Variants in SPOPL observed in about 807,000 individuals in gnomAD.
The protein encoded by SPOPL is speckle-type POZ protein-like.
A neutral mutation model predicts 53.8 loss-of-function variants in SPOPL; 23 were observed. That is an observed-to-expected ratio of 0.43 (90% CI 0.31 to 0.61). The LOEUF is 0.61. Ranked by LOEUF, SPOPL falls within the 20% of genes least tolerant of loss-of-function variation. The pLI is 0.12. For synonymous variants in SPOPL, 164 were observed against 149.7 expected (o/e 1.10, Z -0.70); for missense variants, 442 against 466.9 (o/e 0.95, Z 0.49).
intron 7 of SPOPL, among the ~76,000 whole-genome samples, chr2:138,560,237 G>C (rs779371114): frequency 6.6e-6 from 1 of 152,084 alleles, no homozygotes; most frequent in Admixed American, 6.6e-5. Flanking sequence ...GGAGAATTCT[G>C]AGGTAGTGGG....
chr2:138,527,454 A>G (rs1684699897), intron 1 of SPOPL, among the ~76,000 whole-genome samples: 1 of 152,042 alleles, frequency 6.6e-6, no homozygotes, highest in African/African-American at 2.4e-5. Context: ...TTTATTTTCT[A>G]TTAATGCATC....
At position 138,513,651 on chromosome 2, in the gene SPOPL, G is replaced by C. The variant is rs537446177; in HGVS notation, c.-61+11532G>C. ...GCTACTCAGGAAGCTGAGGCAGGAA[G>C]ATCACTTGAGCTCAGGAGTTTGAGG... On this transcript the variant is annotated intron_variant, in intron 1 of 10. Coordinates refer to ENST00000280098, the MANE Select transcript of SPOPL (RefSeq NM_001001664.3). 1.3e-4 allele frequency among the ~76,000 whole-genome samples: 19 copies of C among 151,524 alleles called. No homozygotes were observed. The South Asian group carries it at 4.0e-3, about 32-fold the overall frequency.
intron 1 of SPOPL, among the ~76,000 whole-genome samples, chr2:138,531,307 A>G (rs190141478): frequency 1.6e-4 from 24 of 152,000 alleles, no homozygotes; most frequent in Non-Finnish European, 3.2e-4. Flanking sequence ...GCTACTGCCA[A>G]TCATTATTTT....
intron 10 of SPOPL, among the ~76,000 whole-genome samples, chr2:138,567,004 G>A (rs1268010909): frequency 6.6e-6 from 1 of 152,190 alleles, no homozygotes; most frequent in Non-Finnish European, 1.5e-5. Flanking sequence ...GAAGCGTAAA[G>A]TAGTAGTTGA....
At chr2:138,523,357 C>A (rs989939805) in intron 1 of SPOPL, among the ~76,000 whole-genome samples, 4 of 152,188 alleles carry the variant, frequency 2.6e-5, no homozygotes, top group Admixed American at 1.3e-4. Flanking sequence ...TGCCACAACA[C>A]ATGGGAATTA....
intron 5 of SPOPL, among the ~76,000 whole-genome samples, chr2:138,556,613 C>A (rs1196081584): frequency 1.3e-5 from 2 of 152,044 alleles, no homozygotes; most frequent in African/African-American, 4.8e-5. Context: ...TGTAGTAGAA[C>A]AGGGCAGTTG....
intron 5 of SPOPL, among the ~76,000 whole-genome samples, chr2:138,553,179 G>A (rs1573902085): frequency 6.6e-6 from 1 of 152,050 alleles, no homozygotes; most frequent in South Asian, 2.1e-4. Flanking sequence ...AGATTTTTAA[G>A]ATATGCCCGT....
At chr2:138,549,289 T>C (rs1432541646) in intron 1 of SPOPL, among the ~76,000 whole-genome samples, 1 of 152,100 alleles carries the variant, frequency 6.6e-6, no homozygotes, top group Non-Finnish European at 1.5e-5. Context: ...TAATATCCTT[T>C]ATCTCTCATA....
intron 1 of SPOPL, among the ~76,000 whole-genome samples, chr2:138,542,194 A>G (rs561170802): frequency 2.2e-4 from 33 of 152,280 alleles, no homozygotes; most frequent in African/African-American, 6.5e-4. Flanking sequence ...TGTGCTGCTG[A>G]AAAAAATGTA....
chr2:138,536,787 C>G (rs1479057540), intron 1 of SPOPL, among the ~76,000 whole-genome samples: 1 of 152,148 alleles, frequency 6.6e-6, no homozygotes. Flanking sequence ...AAATGAACTT[C>G]TTTTCTCTGG....
At chr2:138,529,019 A>G (rs923811114) in intron 1 of SPOPL, among the ~76,000 whole-genome samples, 5 of 152,208 alleles carry the variant, frequency 3.3e-5, no homozygotes, top group African/African-American at 9.7e-5. Context: ...CTTCAGGAAA[A>G]TGTTATTTAT....
At chr2:138,559,402 A>T (rs1182378659) in intron 7 of SPOPL, 65 bp downstream of exon 7, 1 of 1,471,262 alleles carries the variant, frequency 6.8e-7, no homozygotes. Context: ...TGTATGTTTT[A>T]AAAGTAATAG....
intron 1 of SPOPL, among the ~76,000 whole-genome samples, chr2:138,540,065 G>A (rs1685033994): frequency 6.6e-6 from 1 of 152,158 alleles, no homozygotes; most frequent in Non-Finnish European, 1.5e-5. Context: ...TAGATACGCG[G>A]CATTCTTTCT....
At chr2:138,502,149 C>T (rs1282156084) in intron 1 of SPOPL, 30 bp downstream of exon 1, 1 of 152,610 alleles carries the variant, frequency 6.6e-6, no homozygotes, top group Non-Finnish European at 1.5e-5. Flanking sequence ...CCCCCAGTCC[C>T]CGCGGCAGCC....
intron 1 of SPOPL, among the ~76,000 whole-genome samples, chr2:138,505,095 A>G (rs1358175822): frequency 6.7e-6 from 1 of 148,908 alleles, no homozygotes; most frequent in African/African-American, 2.6e-5. Context: ...TTTAGAGAAG[A>G]CTCACTTCCT....
intron 1 of SPOPL, among the ~76,000 whole-genome samples, chr2:138,505,958 CAGTAAG>C (rs1684207797): frequency 6.6e-6 from 1 of 152,026 alleles, no homozygotes; most frequent in Non-Finnish European, 1.5e-5. Context: ...CTGGAAGGTC[CAGTAAG>C]AACTGAACTT....
chr2:138,554,201 A>G (rs1042317044), intron 5 of SPOPL, among the ~76,000 whole-genome samples: 17 of 150,964 alleles, frequency 1.1e-4, no homozygotes, highest in African/African-American at 3.9e-4. Flanking sequence ...TATGCTTGGT[A>G]TCCATATGCT....
chr2:138,550,801 A>G (rs1380373792), intron 3 of SPOPL, 102 bp from the exon 4 acceptor site: 1 of 1,426,254 alleles, frequency 7.0e-7, no homozygotes, highest in Non-Finnish European at 9.5e-7. Flanking sequence ...ACATTAACAC[A>G]TGATTTCAGT....
Position 138,571,006 on chromosome 2 carries a change from C to T in SPOPL, c.*1926C>T, listed in dbSNP as rs2104911832. 1 of 152,266 alleles carries T rather than the reference C, an allele frequency of 6.6e-6. No homozygotes were observed. The highest frequency in any genetic ancestry group is 1.5e-5 in the Non-Finnish European group (1 of 68,014). 9.4% of individuals were successfully genotyped at this position (152,266 alleles called of 1,614,324 possible). A position where few individuals can be genotyped will look rare whatever the true frequency, so the allele number is the denominator to read the frequency against. On this transcript the variant is annotated 3_prime_UTR_variant, in exon 11 of 11. Transcript: ENST00000280098. ...TACCTGGTGATGGAACTTCATACTT[C>T]ATCCTGTGTAAGAGTATTATGGGAA...
Sources: allele counts gnomAD v4.1 joint callset (sites outside exome capture counted in the v4.1 genomes callset), GRCh38; gene constraint gnomAD v4.1.1; transcripts MANE v1.5; gene names NCBI Gene and HGNC (gene_info 2026-07-23, HGNC 2026-07-21).